CHD1: variants seen among roughly 807,000 people sequenced by gnomAD.
CHD1 encodes the protein ATP-dependent chromatin remodeler CHD1.
Under a neutral mutation model 224.2 loss-of-function variants are expected in CHD1, and 36 were observed. The observed-to-expected ratio is 0.16, with a 90% CI of 0.12 to 0.21. The LOEUF (loss-of-function observed/expected upper bound fraction) is 0.21, where lower values mean the gene tolerates loss of function less well. CHD1 is among the 10% of genes least tolerant of loss of function. The pLI is 1.00. For synonymous variants in CHD1, 668 were observed against 658.3 expected, an observed-to-expected ratio of 1.01 and a Z score of -0.23; for missense variants, 1,378 against 1,994.8, an observed-to-expected ratio of 0.69 and a Z score of 5.89.
chr5:98,890,537 T>G (rs980330117), intron 15 of CHD1, among the ~76,000 whole-genome samples: 1 of 152,200 alleles, frequency 6.6e-6, no homozygotes, highest in African/African-American at 2.4e-5. Flanking sequence ...CTTGAAGAGT[T>G]TAAGTTCAAC....
chr5:98,869,602 G>A, intron 30 of CHD1, 152 bp downstream of exon 30: 1 of 734,474 alleles, frequency 1.4e-6, no homozygotes, highest in Non-Finnish European at 2.2e-6. Context: ...TGAACTATAA[G>A]TGCGTGCGCA....
At chr5:98,918,604 C>T (rs547799340) in intron 2 of CHD1, among the ~76,000 whole-genome samples, 30 of 150,684 alleles carry the variant, frequency 2.0e-4, no homozygotes, top group Admixed American at 1.7e-3. Flanking sequence ...CCCGTCTGTA[C>T]GAAAAATACA....
chr5:98,895,675 C>A (rs535454884), intron 12 of CHD1, among the ~76,000 whole-genome samples: 8 of 151,370 alleles, frequency 5.3e-5, no homozygotes, highest in African/African-American at 1.9e-4. Context: ...ATCACTTGAA[C>A]CTGGGAGGTG....
intron 2 of CHD1, among the ~76,000 whole-genome samples, chr5:98,922,553 T>G (rs748879107): frequency 3.3e-5 from 5 of 152,186 alleles, no homozygotes; most frequent in African/African-American, 7.2e-5. Flanking sequence ...TCTATTCCGT[T>G]TAATAAACTT....
rs983169398 is a variant in CHD1 at position 98,889,278 on chromosome 5, A to T, written c.2181-40T>A. ...TTATGAAAACGATGTTTAGCAGAAC[A>T]ATTACCAGGATAAATTCTAAAAGCA... On this transcript the variant is annotated intron_variant, in intron 15 of 35. Coordinates refer to ENST00000614616, the MANE Select transcript of CHD1 (RefSeq NM_001270.4). The T allele has an allele frequency of 4.3e-6, 6 of 1,402,270 alleles. No homozygotes were observed. In the African/African-American group the frequency reaches 8.7e-5, roughly 20 times the overall value. The allele number at this position is 1,402,270 out of a possible 1,614,324, so 86.9% of individuals were successfully genotyped here.
chr5:98,903,460 G>A (rs1002073880), intron 4 of CHD1, among the ~76,000 whole-genome samples: 1 of 137,738 alleles, frequency 7.3e-6, no homozygotes, highest in African/African-American at 3.0e-5. Context: ...ATGATTTAAT[G>A]ATATAATATT....
chr5:98,901,188 A>G lies in CHD1; in HGVS notation c.585T>C (p.Asn195=), dbSNP rs749607366. Residue 195 remains asparagine (N), a splice_region_variant and synonymous_variant, in exon 6 of 36, where the codon AAT becomes AAC. Transcript: ENST00000614616. ...TCAGCACCAAACTGAGACCATACCT[A>G]TTTTGAGGTTTTCTGCTTTTGACTT... ...KNKVKSRKPQ[N]RSKSKNGKKI... The G allele has an allele frequency of 1.6e-5, 26 of 1,611,236 alleles. No individual in the cohort carries two copies. The African/African-American group carries it at 3.2e-4, about 20-fold the overall frequency.
intron 5 of CHD1, 23 bp downstream of exon 5, chr5:98,902,877 G>A (rs780867302): frequency 4.8e-6 from 7 of 1,468,580 alleles, no homozygotes; most frequent in Admixed American, 1.8e-5. Flanking sequence ...AAATGAAGTA[G>A]TCAGTTGAAC....
At chr5:98,904,603 G>A (rs775353550) in intron 3 of CHD1, among the ~76,000 whole-genome samples, 7 of 152,096 alleles carry the variant, frequency 4.6e-5, no homozygotes, top group Non-Finnish European at 8.8e-5. Context: ...TCTTAAATTT[G>A]TATCTATGAC....
At chr5:98,888,031 A>G in intron 17 of CHD1, 57 bp downstream of exon 17, 4 of 1,174,206 alleles carry the variant, frequency 3.4e-6, no homozygotes, top group Non-Finnish European at 4.8e-6. Context: ...TTAATTCTGT[A>G]AAATATGCAC....
chr5:98,866,862 C>T (rs896467471), intron 31 of CHD1, among the ~76,000 whole-genome samples: 4 of 152,006 alleles, frequency 2.6e-5, no homozygotes, highest in Non-Finnish European at 5.9e-5. Context: ...CCTTTTTTCT[C>T]TAACATTATT....
At chr5:98,908,578 ATTTT>A (rs963164843) in intron 2 of CHD1, among the ~76,000 whole-genome samples, 3 of 152,146 alleles carry the variant, frequency 2.0e-5, no homozygotes, top group Non-Finnish European at 4.4e-5. Context: ...AGTTTTACAT[ATTTT>A]ATGTAAAACT....
intron 2 of CHD1, among the ~76,000 whole-genome samples, chr5:98,917,932 T>C (rs933580084): frequency 6.6e-6 from 1 of 152,248 alleles, no homozygotes; most frequent in Non-Finnish European, 1.5e-5. Flanking sequence ...ACAAGATTCC[T>C]GGAATCTCTC....
intron 33 of CHD1, among the ~76,000 whole-genome samples, 161 bp downstream of exon 33, chr5:98,859,811 C>A (rs1748326595): frequency 6.6e-6 from 1 of 152,064 alleles, no homozygotes; most frequent in Non-Finnish European, 1.5e-5. Context: ...TACCTCTCTT[C>A]TGTGAATCTC....
chr5:98,855,074 T>C lies in CHD1; in HGVS notation c.*1306A>G, dbSNP rs1747919630. 1 of 152,274 alleles carries C rather than the reference T, an allele frequency of 6.6e-6. No homozygotes were observed. Among genetic ancestry groups the C allele is most frequent in the African/African-American group, 2.4e-5 (1 of 41,432 alleles). The allele number at this position is 152,274 out of a possible 1,614,324, so 9.4% of individuals were successfully genotyped here. Reference sequence around the variant, plus strand: ...GTTGTAATGCTACACATTACAAATATTCAACTGCTTACCAAAATACTTTTT... The same window carrying C: ...GTTGTAATGCTACACATTACAAATACTCAACTGCTTACCAAAATACTTTTT... On this transcript the variant is annotated 3_prime_UTR_variant, in exon 36 of 36. Transcript: ENST00000614616.
At chr5:98,903,935 TGAA>T in intron 3 of CHD1, 27 bp from the exon 4 acceptor site, 1 of 1,424,448 alleles carries the variant, frequency 7.0e-7, no homozygotes, top group Non-Finnish European at 9.7e-7. Flanking sequence ...AACCAGTGAA[TGAA>T]GAAGTATTAA....
chr5:98,883,889 A>T (rs410220), intron 18 of CHD1: 3 of 114,460 alleles, frequency 2.6e-5, no homozygotes, highest in Admixed American at 1.2e-4. Context: ...TTTTTTTGAC[A>T]GAGTCTCACT....
intron 5 of CHD1, 26 bp from the exon 6 acceptor site, chr5:98,901,361 T>C: frequency 6.3e-7 from 1 of 1,582,658 alleles, no homozygotes; most frequent in Non-Finnish European, 8.6e-7. Flanking sequence ...ATAAAGTATT[T>C]TTATTTGTAC....
intron 5 of CHD1, among the ~76,000 whole-genome samples, chr5:98,901,857 T>A (rs1751736371): frequency 6.6e-6 from 1 of 151,980 alleles, no homozygotes; most frequent in Non-Finnish European, 1.5e-5. Flanking sequence ...CCAATCAACA[T>A]GTAGAGAAAA....
Sources: allele counts gnomAD v4.1 joint callset (sites outside exome capture counted in the v4.1 genomes callset), GRCh38; gene constraint gnomAD v4.1.1; transcripts MANE v1.5; gene names NCBI Gene and HGNC (gene_info 2026-07-23, HGNC 2026-07-21).